Variants in AGPAT1 observed in about 807,000 individuals in gnomAD.
AGPAT1 encodes 1-acylglycerol-3-phosphate O-acyltransferase 1.
In AGPAT1, 6 loss-of-function variants were observed where a neutral mutation model predicts 31.2. The observed-to-expected ratio is 0.19, with a 90% CI of 0.11 to 0.38. The LOEUF (loss-of-function observed/expected upper bound fraction) is 0.38, where lower values mean the gene tolerates loss of function less well. AGPAT1 is among the 10% of genes least tolerant of loss of function. The pLI, the probability that AGPAT1 is intolerant of heterozygous loss-of-function variation, is 1.00. For synonymous variants in AGPAT1, 139 were observed against 154.0 expected (o/e 0.90, Z 0.72); for missense variants, 187 against 377.8 (o/e 0.49, Z 4.19).
In AGPAT1 at chr6:32,170,785, G is replaced by A; in HGVS notation, c.334+152C>T. ...TATATGTAACCTGCTTATGAGGGCA[G>A]TTCTACCCAGGGAATGAAGGCCTGA... On this transcript the variant is annotated intron_variant, in intron 3 of 6. Coordinates refer to ENST00000375107, the MANE Select transcript of AGPAT1 (RefSeq NM_006411.4). The surrounding 1 kb of genome is among the most constrained non-coding windows in gnomAD (Gnocchi z 7.7). 3 of 1,271,060 alleles carry A rather than the reference G, an allele frequency of 2.4e-6. No individual in the cohort carries two copies. In the Admixed American group the frequency reaches 5.4e-5, roughly 23 times the overall value. 78.7% of individuals were successfully genotyped at this position (1,271,060 alleles called of 1,614,324 possible). A position where few individuals can be genotyped will look rare whatever the true frequency, so the allele number is the denominator to read the frequency against.
Position 32,169,651 on chromosome 6 carries a change from T to C in AGPAT1, c.680-203A>G. 1 of 658,430 alleles carries C rather than the reference T, an allele frequency of 1.5e-6. No individual in the cohort carries two copies. Among genetic ancestry groups the C allele is most frequent in the East Asian group, 2.7e-5 (1 of 36,640 alleles). The allele number at this position is 658,430 out of a possible 1,614,324, so 40.8% of individuals were successfully genotyped here. A position where few individuals can be genotyped will look rare whatever the true frequency, so the allele number is the denominator to read the frequency against. Reference sequence around the variant, plus strand: ...TCCAATCCCCAGTTCAGACATCTCCTCAGCACCCCTCCAGCCCCCCTCCTC... The same window carrying C: ...TCCAATCCCCAGTTCAGACATCTCCCCAGCACCCCTCCAGCCCCCCTCCTC... On this transcript the variant is annotated intron_variant, in intron 6 of 6. Coordinates refer to ENST00000375107, the MANE Select transcript of AGPAT1 (RefSeq NM_006411.4). This position sits in a 1 kb window ranked among gnomAD's most constrained non-coding sequence, Gnocchi z 5.9.
Position 32,171,580 on chromosome 6 carries a change from G to A in AGPAT1, c.-9-75C>T. ...GGGGTAGGCAAGGCACAGAAGGCAG[G>A]GCTGGGGGCTGGTGCTATGAGGACA... is the stretch of plus-strand genomic sequence containing the variant. On this transcript the variant is annotated intron_variant, in intron 1 of 6. Transcript: ENST00000375107. This position sits in a 1 kb window ranked among gnomAD's most constrained non-coding sequence, Gnocchi z 6.9. 2.6e-6 allele frequency: 4 copies of A among 1,519,632 alleles called. No individual in the cohort carries two copies. Among genetic ancestry groups the A allele is most frequent in the Non-Finnish European group, 3.5e-6 (4 of 1,135,870 alleles). The allele number at this position is 1,519,632 out of a possible 1,614,324, so 94.1% of individuals were successfully genotyped here.
In AGPAT1 at chr6:32,171,883, A is replaced by G; in HGVS notation, c.-9-378T>C. The G allele has an allele frequency of 3.3e-6, 1 of 303,366 alleles. No individual in the cohort carries two copies. Among genetic ancestry groups the G allele is most frequent in the South Asian group, 6.3e-5 (1 of 15,980 alleles). The allele number at this position is 303,366 out of a possible 1,614,324, so 18.8% of individuals were successfully genotyped here. On this transcript the variant is annotated intron_variant, in intron 1 of 6. Coordinates refer to ENST00000375107, the MANE Select transcript of AGPAT1 (RefSeq NM_006411.4). The surrounding 1 kb of genome is among the most constrained non-coding windows in gnomAD (Gnocchi z 6.9). ...GTCCGAGAAAGTAGCCACCACCTAC[A>G]TGTGGCTACTTGAAATGCAGCTAGT...
At chr6:32,177,345 A>C (rs1422933825), upstream of AGPAT1, 3 of 363,848 alleles carry the variant, frequency 8.2e-6, no homozygotes, top group African/African-American at 6.3e-5. Context: ...AATTATAAAG[A>C]GGAAAGGGCG....
In AGPAT1 at chr6:32,174,966, CAG is replaced by C. The variant is rs1256684723; in HGVS notation, c.-10+846_-10+847del. ...CAAACAGGCCAATTCAGTCAGACATCAGAGTGTGGGGTATTCAGCCAAGCCAT... is the reference window on the plus strand; with the variant it reads ...CAAACAGGCCAATTCAGTCAGACATCAGTGTGGGGTATTCAGCCAAGCCAT... On this transcript the variant is annotated intron_variant, in intron 1 of 6. Coordinates refer to ENST00000375107, the MANE Select transcript of AGPAT1 (RefSeq NM_006411.4). This position sits in a 1 kb window ranked among gnomAD's most constrained non-coding sequence, Gnocchi z 4.5. Among the ~76,000 whole-genome samples, 1 of 152,200 alleles carries C rather than the reference CAG, an allele frequency of 6.6e-6. No homozygotes were observed. The highest frequency in any genetic ancestry group is 1.5e-5 in the Non-Finnish European group (1 of 68,032).
chr6:32,176,215 T>G, upstream of AGPAT1: 2 of 920,184 alleles, frequency 2.2e-6, no homozygotes, highest in Non-Finnish European at 2.6e-6. Flanking sequence ...CATCTACCAG[T>G]GTCCTCTTGC....
chr6:32,176,206 A>C, upstream of AGPAT1: 1 of 942,018 alleles, frequency 1.1e-6, no homozygotes, highest in Non-Finnish European at 1.3e-6. Flanking sequence ...TCCTCCCCAC[A>C]TCTACCAGTG....
Position 32,169,854 on chromosome 6 carries a change from T to C in AGPAT1, c.679+112A>G. 1.0e-6 allele frequency: 1 copy of C among 982,300 alleles called. No individual in the cohort carries two copies. 60.8% of individuals were successfully genotyped at this position (982,300 alleles called of 1,614,324 possible). A position where few individuals can be genotyped will look rare whatever the true frequency, so the allele number is the denominator to read the frequency against. ...TTGGCTGATGTGGGGTTAGACTAGA[T>C]GACTGTGTAGACATCTCATGGCTCT... is the stretch of plus-strand genomic sequence containing the variant. On this transcript the variant is annotated intron_variant, in intron 6 of 6. Transcript: ENST00000375107. This position sits in a 1 kb window ranked among gnomAD's most constrained non-coding sequence, Gnocchi z 5.9.
chr6:32,176,114 C>G, upstream of AGPAT1: 1 of 985,290 alleles, frequency 1.0e-6, no homozygotes, highest in Non-Finnish European at 1.2e-6. Context: ...CCAACGCCTG[C>G]TGGTTTCCGG....
chr6:32,175,841 T>C lies in AGPAT1; in HGVS notation c.-37A>G, dbSNP rs1935518251. 1 of 986,074 alleles carries C rather than the reference T, an allele frequency of 1.0e-6. No individual in the cohort carries two copies. The highest frequency in any genetic ancestry group is 1.2e-6 in the Non-Finnish European group (1 of 830,468). 61.1% of individuals were successfully genotyped at this position (986,074 alleles called of 1,614,324 possible). ...CAGAGGGGTAGGGGGCCTGGGGGGC[T>C]GGCCCCCTCCCCAGCCAGGCTGCGG... is the stretch of plus-strand genomic sequence containing the variant. On this transcript the variant is annotated 5_prime_UTR_variant, in exon 1 of 7. Transcript: ENST00000375107. The surrounding 1 kb of genome is among the most constrained non-coding windows in gnomAD (Gnocchi z 4.5).
upstream of AGPAT1, chr6:32,176,922 T>A (rs1785608762): frequency 2.5e-6 from 1 of 398,036 alleles, no homozygotes; most frequent in Non-Finnish European, 4.4e-6. Context: ...CCTCCTTAAT[T>A]TGGTAGCCAT....
chr6:32,171,312 T>C lies in AGPAT1; in HGVS notation c.185A>G (p.Asn62Ser). 6.2e-7 allele frequency: 1 copy of C among 1,613,140 alleles called. No homozygotes were observed. The highest frequency in any genetic ancestry group is 1.1e-5 in the South Asian group (1 of 91,088). Reference protein sequence around the residue: ...AIPVCAVRGRNVENMKILRLM... With the variant: ...AIPVCAVRGRSVENMKILRLM... ...TGCCCCTCACTTCATGTTCTCGACG[T>C]TGCGTCCTCGCACGGCACACACAGG... The change falls in exon 2 of 7, where the codon AAC (asparagine) becomes AGC (serine). Residue 62 changes from asparagine (N) to serine (S), a missense_variant. Physicochemically the swap from Asn to Ser is conservative, Grantham distance 46. Transcript: ENST00000375107. This position sits in a 1 kb window ranked among gnomAD's most constrained non-coding sequence, Gnocchi z 6.9.
In AGPAT1 at chr6:32,174,838, T is replaced by C. The variant is rs1237060961; in HGVS notation, c.-10+976A>G. Among the ~76,000 whole-genome samples, 1 of 152,236 alleles carries C rather than the reference T, an allele frequency of 6.6e-6. No homozygotes were observed. The highest frequency in any genetic ancestry group is 1.5e-5 in the Non-Finnish European group (1 of 68,044). ...TGAGCATACGGCTCACAAAATATAC[T>C]GATGACAAATTTATAACACACATTC... On this transcript the variant is annotated intron_variant, in intron 1 of 6. Coordinates refer to ENST00000375107, the MANE Select transcript of AGPAT1 (RefSeq NM_006411.4). The surrounding 1 kb of genome is among the most constrained non-coding windows in gnomAD (Gnocchi z 4.5).
At position 32,171,521 on chromosome 6, in the gene AGPAT1, C is replaced by T. The variant is rs1297481917; in HGVS notation, c.-9-16G>A. The stretch of plus-strand genomic sequence containing the variant: ...TTCTGGCCACCTGCAGGGGATGGGG[C>T]AAGGGACAATCAGCCTGGTTTCTGG... On this transcript the variant is annotated splice_polypyrimidine_tract_variant and intron_variant, in intron 1 of 6. Coordinates refer to ENST00000375107, the MANE Select transcript of AGPAT1 (RefSeq NM_006411.4). The surrounding 1 kb of genome is among the most constrained non-coding windows in gnomAD (Gnocchi z 6.9). The T allele has an allele frequency of 1.3e-6, 2 of 1,553,894 alleles. No individual in the cohort carries two copies. The highest frequency in any genetic ancestry group is 1.9e-5 in the Admixed American group (1 of 51,560).
At chr6:32,176,222 T>C, upstream of AGPAT1, 1 of 894,982 alleles carries the variant, frequency 1.1e-6, no homozygotes, top group South Asian at 5.2e-5. Flanking sequence ...CAGTGTCCTC[T>C]TGCGAGCCCC....
chr6:32,169,068 C>T lies in AGPAT1; in HGVS notation c.*208G>A, dbSNP rs1784811012. On this transcript the variant is annotated 3_prime_UTR_variant, in exon 7 of 7. Transcript: ENST00000375107. The surrounding 1 kb of genome is among the most constrained non-coding windows in gnomAD (Gnocchi z 5.9). ...GTGGGGGTCAAGAGTGGAGACTGCA[C>T]CGAGGCAAGAGTCCATGGATGGGGC... The T allele has an allele frequency of 1.7e-6, 1 of 602,624 alleles. No individual in the cohort carries two copies. The highest frequency in any genetic ancestry group is 2.1e-5 in the South Asian group (1 of 46,826). 37.3% of individuals were successfully genotyped at this position (602,624 alleles called of 1,614,324 possible).
chr6:32,170,348 T>C lies in AGPAT1; in HGVS notation c.510+77A>G. The C allele has an allele frequency of 6.2e-7, 1 of 1,609,316 alleles. No homozygotes were observed. Among genetic ancestry groups the C allele is most frequent in the Non-Finnish European group, 8.5e-7 (1 of 1,175,956 alleles). The stretch of plus-strand genomic sequence containing the variant: ...TTATAATGGGACCTTTGAGGCCCAC[T>C]GGCCCTGCATATCAGTTTATTTACA... On this transcript the variant is annotated intron_variant, in intron 4 of 6. Coordinates refer to ENST00000375107, the MANE Select transcript of AGPAT1 (RefSeq NM_006411.4). This position sits in a 1 kb window ranked among gnomAD's most constrained non-coding sequence, Gnocchi z 7.7.
chr6:32,169,671 C>G lies in AGPAT1; in HGVS notation c.680-223G>C, dbSNP rs150065096. On this transcript the variant is annotated intron_variant, in intron 6 of 6. Transcript: ENST00000375107. The surrounding 1 kb of genome is among the most constrained non-coding windows in gnomAD (Gnocchi z 5.9). ...TCTCCTCAGCACCCCTCCAGCCCCC[C>G]TCCTCTGGGTTTGGCATTTACTGCT... Among the ~76,000 whole-genome samples, 403 of 152,328 alleles carry G rather than the reference C, an allele frequency of 2.6e-3. 1 individual carries two copies. The highest frequency in any genetic ancestry group is 6.8e-3 in the Middle Eastern group (2 of 294).
In AGPAT1 at chr6:32,172,431, T is replaced by G. The variant is rs184542461; in HGVS notation, c.-9-926A>C. 6.6e-6 allele frequency among the ~76,000 whole-genome samples: 1 copy of G among 152,220 alleles called. No individual in the cohort carries two copies. The highest frequency in any genetic ancestry group is 2.4e-5 in the African/African-American group (1 of 41,454). ...ATGTGGCTACCATAAAAAAATTACA[T>G]TGTGGCTTGCATTATATTTCTGTAG... On this transcript the variant is annotated intron_variant, in intron 1 of 6. Transcript: ENST00000375107. The surrounding 1 kb of genome is among the most constrained non-coding windows in gnomAD (Gnocchi z 4.3).
Sources: allele counts gnomAD v4.1 joint callset (sites outside exome capture counted in the v4.1 genomes callset), GRCh38; gene constraint gnomAD v4.1.1; non-coding constraint Gnocchi (gnomAD v3.1); transcripts MANE v1.5; gene names NCBI Gene and HGNC (gene_info 2026-07-23, HGNC 2026-07-21).